The following CA5A variants were observed in gnomAD, a reference collection of about 807,000 sequenced individuals.
The protein encoded by CA5A is carbonic anhydrase 5A, mitochondrial.
In CA5A, 28 loss-of-function variants were observed where a neutral mutation model predicts 37.1. That is an observed-to-expected ratio of 0.75 (90% CI 0.56 to 1.03). The LOEUF is 1.03. Ranked by LOEUF, CA5A falls within the 50% of genes least tolerant of loss-of-function variation. The pLI, the probability that CA5A is intolerant of heterozygous loss-of-function variation, is 0.00. For missense variants in CA5A, 444 were observed against 399.9 expected, an observed-to-expected ratio of 1.11 and a Z score of -0.94; for synonymous variants, 171 against 158.4, an observed-to-expected ratio of 1.08 and a Z score of -0.60.
rs553557879 is a variant in CA5A at position 87,919,510 on chromosome 16, G to T, written c.340+7238C>A. Among the ~76,000 whole-genome samples the T allele has an allele frequency of 9.2e-4, 140 of 152,270 alleles. 1 individual carries two copies. Among genetic ancestry groups the T allele is most frequent in the African/African-American group, 3.0e-3 (123 of 41,534 alleles). ...GGGCGGCCACCTTCGCCCCATCAGGGAACCCCCGTGAGTGTCCCCTGGGGA... is the reference window on the plus strand; with the variant it reads ...GGGCGGCCACCTTCGCCCCATCAGGTAACCCCCGTGAGTGTCCCCTGGGGA... On this transcript the variant is annotated intron_variant, in intron 2 of 6. Coordinates refer to ENST00000649794, the MANE Select transcript of CA5A (RefSeq NM_001739.2).
At chr16:87,923,197 T>C (rs891070040) in intron 2 of CA5A, among the ~76,000 whole-genome samples, 59 of 152,284 alleles carry the variant, frequency 3.9e-4, no homozygotes, top group African/African-American at 1.4e-3. Context: ...ATGGCAGCGC[T>C]TTTTTTCCCG....
At chr16:87,930,844 G>A (rs895130282) in intron 1 of CA5A, among the ~76,000 whole-genome samples, 3 of 151,574 alleles carry the variant, frequency 2.0e-5, no homozygotes, top group Admixed American at 1.3e-4. Flanking sequence ...TGGTTCAGGC[G>A]ATTCTCCTGC....
intron 5 of CA5A, among the ~76,000 whole-genome samples, 170 bp downstream of exon 5, chr16:87,901,742 C>T (rs539394398): frequency 3.9e-5 from 6 of 152,086 alleles, no homozygotes; most frequent in African/African-American, 7.2e-5. Context: ...CATGTGCCAC[C>T]GCACCCAGCT....
chr16:87,913,274 T>C (rs1319707222), intron 2 of CA5A, among the ~76,000 whole-genome samples: 1 of 150,268 alleles, frequency 6.7e-6, no homozygotes, highest in Non-Finnish European at 1.5e-5. Context: ...CCACCACACC[T>C]GGCCCATCAA....
At chr16:87,900,221 G>A (rs1235722195) in intron 5 of CA5A, among the ~76,000 whole-genome samples, 2 of 152,210 alleles carry the variant, frequency 1.3e-5, no homozygotes, top group Admixed American at 6.5e-5. Context: ...GGTGGAGGCT[G>A]GCTGGGAAAA....
chr16:87,924,725 A>C (rs1312723190), intron 2 of CA5A, among the ~76,000 whole-genome samples: 2 of 152,238 alleles, frequency 1.3e-5, no homozygotes, highest in African/African-American at 4.8e-5. Flanking sequence ...AGTGTAAGGA[A>C]GGTGAATGCT....
chr16:87,930,763 CAG>C (rs2056391532), intron 1 of CA5A, among the ~76,000 whole-genome samples: 1 of 146,652 alleles, frequency 6.8e-6, no homozygotes, highest in South Asian at 2.2e-4. Flanking sequence ...TTTTTTGAGA[CAG>C]AGTCTCCTTC....
chr16:87,915,526 A>ATT (rs59358304), intron 2 of CA5A, among the ~76,000 whole-genome samples: 21,763 of 72,942 alleles, frequency 0.3, 6,395 homozygotes, highest in Non-Finnish European at 0.4. Context: ...CTGTGTCAAA[A>ATT]TTTTTTTTTT....
chr16:87,899,675 T>A, intron 5 of CA5A, among the ~76,000 whole-genome samples: 1 of 149,954 alleles, frequency 6.7e-6, no homozygotes. Flanking sequence ...ATCCCAGCAA[T>A]TTGGGAGGCC....
At chr16:87,892,740 C>T (rs1164654254) in intron 5 of CA5A, among the ~76,000 whole-genome samples, 1 of 138,104 alleles carries the variant, frequency 7.2e-6, no homozygotes, top group Non-Finnish European at 1.5e-5. Context: ...ATGGTGTGAT[C>T]TTGGCTCACC....
At chr16:87,908,847 A>G (rs1393327566) in intron 2 of CA5A, among the ~76,000 whole-genome samples, 1 of 151,080 alleles carries the variant, frequency 6.6e-6, no homozygotes, top group East Asian at 2.0e-4. Context: ...ACAGAGTTTC[A>G]CTCTGTCGCC....
intron 5 of CA5A, among the ~76,000 whole-genome samples, chr16:87,894,155 G>A (rs573578166): frequency 1.2e-4 from 18 of 151,764 alleles, no homozygotes; most frequent in African/African-American, 4.4e-4. Flanking sequence ...TTGAGGCAGA[G>A]TCTCACTCTG....
intron 2 of CA5A, among the ~76,000 whole-genome samples, chr16:87,913,656 C>A (rs924936657): frequency 7.3e-6 from 1 of 137,218 alleles, no homozygotes; most frequent in Non-Finnish European, 1.5e-5. Context: ...TGCCGTGGCC[C>A]CCCCCTCCTC....
intron 2 of CA5A, among the ~76,000 whole-genome samples, chr16:87,906,075 A>G (rs1458029070): frequency 6.6e-6 from 1 of 152,194 alleles, no homozygotes; most frequent in Non-Finnish European, 1.5e-5. Context: ...TTCCATCAGC[A>G]GCTGCTACAA....
At chr16:87,898,729 A>AT (rs59375883) in intron 5 of CA5A, among the ~76,000 whole-genome samples, 8,412 of 115,026 alleles carry the variant, frequency 0.073, 851 homozygotes, top group African/African-American at 0.23. Context: ...TCTAGTGTGG[A>AT]TTTTTTTTTT....
chr16:87,929,884 A>AAAT (rs1555524435), intron 1 of CA5A, among the ~76,000 whole-genome samples: 3 of 151,502 alleles, frequency 2.0e-5, no homozygotes, highest in South Asian at 2.1e-4. Context: ...AAAAAAAAAA[A>AAAT]AAAAAAAAAA....
chr16:87,926,653 C>T (rs766384286), intron 2 of CA5A, 95 bp downstream of exon 2: 20 of 965,602 alleles, frequency 2.1e-5, no homozygotes, highest in Non-Finnish European at 3.0e-5. Context: ...AAAGCAGCAC[C>T]TTCCTGCTCT....
Position 87,918,918 on chromosome 16 carries a change from G to A in CA5A, c.340+7830C>T, listed in dbSNP as rs564041589. On this transcript the variant is annotated intron_variant, in intron 2 of 6. Transcript: ENST00000649794. The stretch of plus-strand genomic sequence containing the variant: ...TGCAGAGACGGGGAGGGGACCGGGA[G>A]CACGTGAAGCTGAGTGGGAGAGAAA... Among the ~76,000 whole-genome samples the A allele has an allele frequency of 2.0e-5, 3 of 152,320 alleles. No individual in the cohort carries two copies. In the South Asian group the frequency reaches 6.2e-4, roughly 32 times the overall value.
At chr16:87,886,858 T>G (rs1367805447), downstream of CA5A, 1 of 152,230 alleles carries the variant, frequency 6.6e-6, no homozygotes, top group African/African-American at 2.4e-5. Flanking sequence ...TTTGTCCTTC[T>G]CTGACAGGTA....
Sources: gnomAD v4.1 joint callset for allele counts (sites outside exome capture counted in the v4.1 genomes callset) on GRCh38, gnomAD v4.1.1 for gene constraint, MANE v1.5 for transcripts, NCBI Gene and HGNC (gene_info 2026-07-23, HGNC 2026-07-21) for gene names.